Variants in CAMK1D observed in about 807,000 individuals in gnomAD.
The protein encoded by CAMK1D is calcium/calmodulin-dependent protein kinase type 1D.
A neutral mutation model predicts 47.7 loss-of-function variants in CAMK1D; 9 were observed. The ratio of observed to expected loss-of-function variants is 0.19; its 90% confidence interval spans 0.11 to 0.33. The LOEUF (loss-of-function observed/expected upper bound fraction) is 0.33. Ranked by LOEUF, CAMK1D falls within the 10% of genes least tolerant of loss-of-function variation. The pLI is 1.00. For missense variants in CAMK1D, 291 were observed against 488.7 expected, an observed-to-expected ratio of 0.60 and a Z score of 3.81; for synonymous variants, 184 against 184.9, an observed-to-expected ratio of 0.99 and a Z score of 0.04.
At chr10:12,649,369 G>A (rs540112056) in intron 2 of CAMK1D, among the ~76,000 whole-genome samples, 22 of 152,334 alleles carry the variant, frequency 1.4e-4, no homozygotes, top group African/African-American at 5.3e-4. Flanking sequence ...CTGGCAAATG[G>A]CCAGGAGCTG....
At chr10:12,681,196 C>A (rs111471908) in intron 3 of CAMK1D, among the ~76,000 whole-genome samples, 11 of 152,364 alleles carry the variant, frequency 7.2e-5, no homozygotes, top group African/African-American at 2.4e-4. Context: ...AGAGCTGCTA[C>A]GGCTCTATCA....
intron 5 of CAMK1D, among the ~76,000 whole-genome samples, chr10:12,785,845 G>A (rs1262548042): frequency 6.6e-6 from 1 of 152,170 alleles, no homozygotes; most frequent in Non-Finnish European, 1.5e-5. Context: ...GGATGGGTTG[G>A]GGGCTATGCT....
At chr10:12,402,074 A>AT (rs1307933934) in intron 1 of CAMK1D, among the ~76,000 whole-genome samples, 2 of 147,214 alleles carry the variant, frequency 1.4e-5, no homozygotes, top group Admixed American at 6.8e-5. Context: ...TTTTGTATAT[A>AT]TATATATTTT....
At chr10:12,645,897 G>A (rs995682724) in intron 2 of CAMK1D, among the ~76,000 whole-genome samples, 3 of 151,868 alleles carry the variant, frequency 2.0e-5, no homozygotes, top group Non-Finnish European at 4.4e-5. Context: ...TTCTTTCACC[G>A]TGAGGCTGTC....
chr10:12,481,190 A>G (rs532348184), intron 1 of CAMK1D, among the ~76,000 whole-genome samples: 1 of 152,268 alleles, frequency 6.6e-6, no homozygotes, highest in African/African-American at 2.4e-5. Flanking sequence ...ACTCCTGTAA[A>G]TAACATCACT....
chr10:12,503,653 G>A (rs569689949), intron 1 of CAMK1D, among the ~76,000 whole-genome samples: 3 of 152,316 alleles, frequency 2.0e-5, no homozygotes, highest in East Asian at 1.9e-4. Context: ...CATTTGATGC[G>A]AGGATTAACT....
chr10:12,594,370 G>A (rs1306331535), intron 2 of CAMK1D, among the ~76,000 whole-genome samples: 3 of 152,190 alleles, frequency 2.0e-5, no homozygotes, highest in Non-Finnish European at 4.4e-5. Context: ...GTTCAACCAC[G>A]TTTAAGCCTA....
At chr10:12,496,291 A>G (rs2399846) in intron 1 of CAMK1D, among the ~76,000 whole-genome samples, 74,961 of 152,074 alleles carry the variant, frequency 0.49, 19,408 homozygotes, top group East Asian at 0.8. Flanking sequence ...TTGCCTGCAA[A>G]TCATAGAACT....
At chr10:12,411,659 C>T (rs1354084008) in intron 1 of CAMK1D, among the ~76,000 whole-genome samples, 1 of 148,340 alleles carries the variant, frequency 6.7e-6, no homozygotes, top group Non-Finnish European at 1.5e-5. Flanking sequence ...AGTGCAGTGG[C>T]GTGATCTTGG....
At chr10:12,548,349 A>G (rs1268538474) in intron 1 of CAMK1D, among the ~76,000 whole-genome samples, 2 of 151,880 alleles carry the variant, frequency 1.3e-5, no homozygotes, top group African/African-American at 4.8e-5. Context: ...CAATATGTCC[A>G]TCCTCAGGCA....
At chr10:12,541,417 G>T (rs959303651) in intron 1 of CAMK1D, among the ~76,000 whole-genome samples, 2 of 152,196 alleles carry the variant, frequency 1.3e-5, no homozygotes, top group Non-Finnish European at 2.9e-5. Context: ...AGGCTGGAGT[G>T]CAGTGACGTG....
chr10:12,615,914 A>C (rs1283927761), intron 2 of CAMK1D, among the ~76,000 whole-genome samples: 1 of 148,966 alleles, frequency 6.7e-6, no homozygotes, highest in Non-Finnish European at 1.5e-5. Context: ...TGGTGTGTGT[A>C]TAGGTGTGTG....
chr10:12,714,783 C>CACAG (rs751396184), intron 3 of CAMK1D, among the ~76,000 whole-genome samples: 2 of 151,512 alleles, frequency 1.3e-5, no homozygotes, highest in Non-Finnish European at 2.9e-5. Context: ...CACACACACA[C>CACAG]ACACACACAC....
intron 2 of CAMK1D, among the ~76,000 whole-genome samples, chr10:12,562,244 C>A (rs1444234603): frequency 6.6e-6 from 1 of 152,070 alleles, no homozygotes; most frequent in East Asian, 1.9e-4. Flanking sequence ...AGAGACCACC[C>A]CCCCTTAAAA....
At chr10:12,385,544 G>C (rs886784199) in intron 1 of CAMK1D, among the ~76,000 whole-genome samples, 2 of 152,124 alleles carry the variant, frequency 1.3e-5, no homozygotes, top group African/African-American at 4.8e-5. Flanking sequence ...AATATCCAGA[G>C]TAGACAAATC....
chr10:12,805,298 G>T (rs1049992801), intron 6 of CAMK1D, among the ~76,000 whole-genome samples: 1 of 151,240 alleles, frequency 6.6e-6, no homozygotes, highest in African/African-American at 2.4e-5. Context: ...TTGTCCTTCA[G>T]GGACTTATTA....
chr10:12,547,044 A>C (rs893141571), intron 1 of CAMK1D, among the ~76,000 whole-genome samples: 4 of 152,198 alleles, frequency 2.6e-5, no homozygotes, highest in African/African-American at 9.7e-5. Flanking sequence ...TGAGATTTCC[A>C]TGTAGAGGAT....
chr10:12,800,517 C>T (rs1238424916), intron 6 of CAMK1D, among the ~76,000 whole-genome samples: 1 of 152,216 alleles, frequency 6.6e-6, no homozygotes, highest in Non-Finnish European at 1.5e-5. Context: ...TGTGGGCACA[C>T]TCTGACATCC....
intron 1 of CAMK1D, among the ~76,000 whole-genome samples, chr10:12,511,026 A>G (rs1835024154): frequency 6.6e-6 from 1 of 152,210 alleles, no homozygotes; most frequent in South Asian, 2.1e-4. Context: ...TCATTCTTGC[A>G]GCACTTACAC....
Sources: allele counts gnomAD v4.1 joint callset (sites outside exome capture counted in the v4.1 genomes callset), GRCh38; gene constraint gnomAD v4.1.1; transcripts MANE v1.5; gene names NCBI Gene and HGNC (gene_info 2026-07-23, HGNC 2026-07-21).